KCNIP4: variants seen among roughly 807,000 people sequenced by gnomAD.
The protein encoded by KCNIP4 is Kv channel-interacting protein 4.
In KCNIP4, 12 loss-of-function variants were observed where a neutral mutation model predicts 34.0. The ratio of observed to expected loss-of-function variants is 0.35; its 90% CI spans 0.23 to 0.57. The LOEUF (loss-of-function observed/expected upper bound fraction) is 0.57, where lower values mean the gene tolerates loss of function less well. KCNIP4 is among the 20% of genes least tolerant of loss of function. KCNIP4 has a pLI of 0.83. For synonymous variants in KCNIP4, 124 were observed against 102.2 expected (o/e 1.21, Z -1.29); for missense variants, 238 against 311.7 (o/e 0.76, Z 1.78).
At chr4:21,941,645 T>C (rs1316830130) in intron 1 of KCNIP4, among the ~76,000 whole-genome samples, 1 of 152,152 alleles carries the variant, frequency 6.6e-6, no homozygotes, top group East Asian at 1.9e-4. Context: ...GAGGACTCAT[T>C]TTTACCTAAA....
rs899068131 is a variant in KCNIP4 at position 21,386,428 on chromosome 4, TA to T, written c.62-503720del. 1.4e-4 allele frequency among the ~76,000 whole-genome samples: 21 copies of T among 151,402 alleles called. 1 individual carries two copies. The highest frequency in any genetic ancestry group is 5.8e-4 in the East Asian group (3 of 5,146). ...CAAGTGGAGTTATGAAAGACTGTCATAAAAAAAAAGAACTCAGGAAAATGCT... is the reference window on the plus strand; with the variant it reads ...CAAGTGGAGTTATGAAAGACTGTCATAAAAAAAAGAACTCAGGAAAATGCT... On this transcript the variant is annotated intron_variant, in intron 1 of 8. Transcript: ENST00000382152.
In KCNIP4 at chr4:21,145,674, C is replaced by T. The variant is rs115196354; in HGVS notation, c.62-262965G>A. 6.9e-3 allele frequency among the ~76,000 whole-genome samples: 1,054 copies of T among 152,304 alleles called. 15 individuals are homozygous for T. The highest frequency in any genetic ancestry group is 0.024 in the African/African-American group (997 of 41,570). On this transcript the variant is annotated intron_variant, in intron 1 of 8. Coordinates refer to ENST00000382152, the MANE Select transcript of KCNIP4 (RefSeq NM_025221.6). ...TGATTAAAGACTGAAACAGAAGCAA[C>T]TGCTTTTCTCTCTGTGCAGCTACCA...
At chr4:21,531,569 G>A (rs1406750312) in intron 1 of KCNIP4, among the ~76,000 whole-genome samples, 1 of 151,818 alleles carries the variant, frequency 6.6e-6, no homozygotes, top group Non-Finnish European at 1.5e-5. Flanking sequence ...TAGAGATGGG[G>A]TTTTGCCATG....
At chr4:21,418,813 G>C (rs1725189652) in intron 1 of KCNIP4, among the ~76,000 whole-genome samples, 1 of 152,084 alleles carries the variant, frequency 6.6e-6, no homozygotes, top group African/African-American at 2.4e-5. Flanking sequence ...GATGTTCTTT[G>C]CTCAGAAGGC....
chr4:21,504,302 T>C (rs1453557487), intron 1 of KCNIP4, among the ~76,000 whole-genome samples: 1 of 151,756 alleles, frequency 6.6e-6, no homozygotes, highest in Non-Finnish European at 1.5e-5. Flanking sequence ...ACCCCGTCTC[T>C]ATTAAAAATA....
intron 1 of KCNIP4, among the ~76,000 whole-genome samples, chr4:21,945,870 G>A (rs1730486205): frequency 6.6e-6 from 1 of 151,168 alleles, no homozygotes; most frequent in Non-Finnish European, 1.5e-5. Context: ...CATGGAAGCT[G>A]GCAGGGCAAA....
chr4:21,173,590 C>T (rs1179439970), intron 1 of KCNIP4, among the ~76,000 whole-genome samples: 3 of 152,108 alleles, frequency 2.0e-5, no homozygotes, highest in Admixed American at 6.6e-5. Flanking sequence ...TGATTTAGTG[C>T]ACATTCTTCA....
At chr4:21,444,768 C>A (rs1253314177) in intron 1 of KCNIP4, among the ~76,000 whole-genome samples, 1 of 152,162 alleles carries the variant, frequency 6.6e-6, no homozygotes, top group African/African-American at 2.4e-5. Flanking sequence ...GTTGGAAGTT[C>A]TGGCCAGGGC....
intron 1 of KCNIP4, chr4:21,847,540 A>G (rs1724097639): frequency 1.3e-5 from 2 of 152,214 alleles, no homozygotes; most frequent in Non-Finnish European, 2.9e-5. Flanking sequence ...ACGCAGGAAT[A>G]TTGTGAGGGG....
At chr4:21,612,956 T>A (rs1744276765) in intron 1 of KCNIP4, among the ~76,000 whole-genome samples, 1 of 152,150 alleles carries the variant, frequency 6.6e-6, no homozygotes, top group Non-Finnish European at 1.5e-5. Flanking sequence ...TTAATAGATG[T>A]CAGGCAAAGA....
intron 1 of KCNIP4, among the ~76,000 whole-genome samples, chr4:21,135,042 G>T (rs145858855): frequency 8.1e-4 from 123 of 152,208 alleles, no homozygotes; most frequent in Admixed American, 6.7e-3. Flanking sequence ...TCTCACATAC[G>T]GATTCAGGTA....
intron 1 of KCNIP4, among the ~76,000 whole-genome samples, chr4:21,888,067 T>C (rs1442955538): frequency 2.0e-5 from 3 of 152,244 alleles, no homozygotes; most frequent in East Asian, 1.9e-4. Context: ...AACAACTTTA[T>C]GACTTATGTA....
rs568632334 is a variant in KCNIP4 at position 20,828,619 on chromosome 4, G to C, written c.288+21924C>G. On this transcript the variant is annotated intron_variant, in intron 3 of 8. Transcript: ENST00000382152. ...CATCCCATCCTCTGCAATGGAATGG[G>C]AACTCCAACACCTTCTCCAAAGCTG... 1.6e-4 allele frequency among the ~76,000 whole-genome samples: 24 copies of C among 152,272 alleles called. 2 individuals carry two copies. The South Asian group carries it at 4.8e-3, about 30-fold the overall frequency.
intron 1 of KCNIP4, among the ~76,000 whole-genome samples, chr4:21,114,195 CAG>C (rs1749494045): frequency 6.6e-6 from 1 of 152,164 alleles, no homozygotes; most frequent in Admixed American, 6.5e-5. Context: ...TCTCTCCCTG[CAG>C]AGATTCTACA....
intron 1 of KCNIP4, among the ~76,000 whole-genome samples, chr4:21,514,351 A>G (rs544210162): frequency 1.4e-4 from 22 of 152,322 alleles, no homozygotes; most frequent in African/African-American, 3.6e-4. Context: ...TAGTGTCACT[A>G]ACTCCAGGCA....
Position 20,729,490 on chromosome 4 carries a change from TAATTTTTAAATGTTTAAA to T in KCNIP4, c.*574_*591del, listed in dbSNP as rs1747283307. On this transcript the variant is annotated 3_prime_UTR_variant, in exon 9 of 9. Coordinates refer to ENST00000382152, the MANE Select transcript of KCNIP4 (RefSeq NM_025221.6). ...AATAAACTAATTTTTAAATGTTTAA[TAATTTTTAAATGTTTAAA>T]AATGCCAGATAAAACTAATTTCTAA... 1 of 119,136 alleles carries T rather than the reference TAATTTTTAAATGTTTAAA, an allele frequency of 8.4e-6. No individual in the cohort carries two copies. Among genetic ancestry groups the T allele is most frequent in the African/African-American group, 3.7e-5 (1 of 27,322 alleles). 7.4% of individuals were successfully genotyped at this position (119,136 alleles called of 1,614,324 possible).
intron 1 of KCNIP4, among the ~76,000 whole-genome samples, chr4:20,969,547 CGTGT>C (rs967999151): frequency 1.4e-4 from 18 of 133,258 alleles, no homozygotes; most frequent in Admixed American, 6.9e-4. Flanking sequence ...AAATTTGCTG[CGTGT>C]GTGTTTGTGT....
At chr4:21,014,468 C>A (rs62293774) in intron 1 of KCNIP4, among the ~76,000 whole-genome samples, 7,296 of 152,170 alleles carry the variant, frequency 0.048, 252 homozygotes, top group East Asian at 0.18. Flanking sequence ...CACAGGAAAG[C>A]AATAATAATA....
chr4:20,802,216 TATGCTATACATATGCTAC>T (rs1714381752), intron 3 of KCNIP4, among the ~76,000 whole-genome samples: 1 of 64,596 alleles, frequency 1.5e-5, no homozygotes, highest in Non-Finnish European at 3.6e-5. Context: ...ATGCTACATA[TATGCTATACATATGCTAC>T]ATATATGCTA....
Sources: gnomAD v4.1 joint callset for allele counts (sites outside exome capture counted in the v4.1 genomes callset) on GRCh38, gnomAD v4.1.1 for gene constraint, MANE v1.5 for transcripts, NCBI Gene and HGNC (gene_info 2026-07-23, HGNC 2026-07-21) for gene names.